Variants in FREM3 observed in about 807,000 individuals in gnomAD.
FREM3 encodes the protein FRAS1-related extracellular matrix protein 3.
In FREM3, 105 loss-of-function variants were observed where a neutral mutation model predicts 129.1. That is an observed-to-expected ratio of 0.81 (90% CI 0.69 to 0.96). The LOEUF is 0.96. FREM3 is among the 40% of genes least tolerant of loss of function. FREM3 has a pLI of 0.00. For missense variants in FREM3, 2,593 were observed against 2,666.3 expected (o/e 0.97, Z 0.61); for synonymous variants, 1,014 against 1,044.9 (o/e 0.97, Z 0.57).
At chr4:143,653,498 G>T (rs1739547350) in intron 2 of FREM3, among the ~76,000 whole-genome samples, 1 of 152,164 alleles carries the variant, frequency 6.6e-6, no homozygotes, top group Non-Finnish European at 1.5e-5. Flanking sequence ...TCTCTAGTGT[G>T]TGCCAGCAAG....
chr4:143,590,551 T>A (rs1738339709), intron 6 of FREM3, among the ~76,000 whole-genome samples: 1 of 152,196 alleles, frequency 6.6e-6, no homozygotes, highest in Non-Finnish European at 1.5e-5. Flanking sequence ...TATTGATTTT[T>A]GTATGTTGAA....
At chr4:143,591,202 T>C (rs539795032) in intron 6 of FREM3, among the ~76,000 whole-genome samples, 1 of 152,280 alleles carries the variant, frequency 6.6e-6, no homozygotes, top group African/African-American at 2.4e-5. Context: ...CCTGGATTCA[T>C]TGATTTTTTT....
chr4:143,614,577 T>C lies in FREM3; in HGVS notation c.5780-3050A>G, dbSNP rs569925069. On this transcript the variant is annotated intron_variant, in intron 5 of 7. Coordinates refer to ENST00000329798, the MANE Select transcript of FREM3 (RefSeq NM_001168235.2). ...CCAGTGGTAGAGCATAGCATCTTTG[T>C]GAGAAATATTAAAGATTCATTGTTT... Among the ~76,000 whole-genome samples the C allele has an allele frequency of 1.4e-4, 22 of 152,262 alleles. No homozygotes were observed. The South Asian group carries it at 4.6e-3, about 32-fold the overall frequency.
In FREM3 at chr4:143,695,838, C is replaced by T; in HGVS notation, c.4838G>A (p.Ser1613Asn). 6.5e-7 allele frequency: 1 copy of T among 1,537,390 alleles called. No homozygotes were observed. The highest frequency in any genetic ancestry group is 8.7e-7 in the Non-Finnish European group (1 of 1,146,948). The change falls in exon 1 of 8, where the codon AGT becomes AAT. Residue 1613 changes from serine to asparagine, a missense_variant. Coordinates refer to ENST00000329798, the MANE Select transcript of FREM3 (RefSeq NM_001168235.2). ...KNLISYKHDG[S>N]ETTEDSFSLT... Reference sequence around the variant, plus strand: ...GGAGAAACTATCTTCAGTGGTCTCACTGCCGTCATGCTTGTAGCTAATCAG... The same window carrying T: ...GGAGAAACTATCTTCAGTGGTCTCATTGCCGTCATGCTTGTAGCTAATCAG...
intron 6 of FREM3, among the ~76,000 whole-genome samples, chr4:143,608,660 T>C (rs191977449): frequency 3.2e-4 from 48 of 152,330 alleles, no homozygotes; most frequent in African/African-American, 8.9e-4. Context: ...GGTAAAATTA[T>C]ATAATGCACT....
intron 7 of FREM3, among the ~76,000 whole-genome samples, chr4:143,580,985 A>G (rs564901341): frequency 6.6e-6 from 1 of 152,216 alleles, no homozygotes; most frequent in South Asian, 2.1e-4. Context: ...GCAGCTCCGC[A>G]CTTCCTTGGG....
rs1271605163 is a variant in FREM3 at position 143,699,833 on chromosome 4, G to C, written c.843C>G (p.Ser281=). Residue 281 remains serine, a synonymous_variant, in exon 1 of 8, where the codon TCC becomes TCG. Transcript: ENST00000329798. This position sits in a 1 kb window ranked among gnomAD's most constrained non-coding sequence, Gnocchi z 4.2. ...LLGPEGQDAG[S]AGVLVREHFQ... is the part of the protein sequence containing the mutation. ...AGTGCTCGCGGACCAGCACACCCGCGGACCCAGCGTCTTGGCCCTCAGGCC... is the reference window on the plus strand; with the variant it reads ...AGTGCTCGCGGACCAGCACACCCGCCGACCCAGCGTCTTGGCCCTCAGGCC... 1 of 1,536,558 alleles carries C rather than the reference G, an allele frequency of 6.5e-7. No homozygotes were observed. Among genetic ancestry groups the C allele is most frequent in the East Asian group, 2.4e-5 (1 of 40,906 alleles).
chr4:143,666,078 C>G (rs138299790), intron 2 of FREM3, among the ~76,000 whole-genome samples: 1 of 151,956 alleles, frequency 6.6e-6, no homozygotes, highest in African/African-American at 2.4e-5. Flanking sequence ...CTTTAAATAC[C>G]TGCCAGGGTT....
chr4:143,629,835 A>T (rs11725554), intron 2 of FREM3, among the ~76,000 whole-genome samples: 40,595 of 152,080 alleles, frequency 0.27, 6,518 homozygotes, highest in Middle Eastern at 0.39. Context: ...CCAGTTTTGC[A>T]GTCTGCTAGT....
chr4:143,671,118 T>A (rs2149855743), intron 2 of FREM3, among the ~76,000 whole-genome samples: 1 of 152,290 alleles, frequency 6.6e-6, no homozygotes, highest in Non-Finnish European at 1.5e-5. Flanking sequence ...ATTCAGCCTC[T>A]ACAAATCACA....
At chr4:143,686,487 T>C (rs1740366234) in intron 2 of FREM3, among the ~76,000 whole-genome samples, 2 of 152,158 alleles carry the variant, frequency 1.3e-5, no homozygotes, top group African/African-American at 4.8e-5. Flanking sequence ...TTAACAGATA[T>C]ATACAGAACA....
chr4:143,600,385 G>A (rs145960490), intron 6 of FREM3, among the ~76,000 whole-genome samples: 3 of 152,076 alleles, frequency 2.0e-5, no homozygotes, highest in East Asian at 1.9e-4. Flanking sequence ...TACACTGTTC[G>A]GGCGACAGGT....
In FREM3 at chr4:143,699,557, T is replaced by G; in HGVS notation, c.1119A>C (p.Pro373=). Residue 373 remains proline (P), a synonymous_variant, in exon 1 of 8, where the codon CCA becomes CCC. Transcript: ENST00000329798. The surrounding 1 kb of genome is among the most constrained non-coding windows in gnomAD (Gnocchi z 4.2). ...GCTCCTGCTGGGTGAAGAAGGAGACTGGAAGCCCTAGAGGGTCGTCGGTGC... is the reference window on the plus strand; with the variant it reads ...GCTCCTGCTGGGTGAAGAAGGAGACGGGAAGCCCTAGAGGGTCGTCGGTGC... ...VVSTDDPLGL[P]VSFFTQQELR... The G allele has an allele frequency of 1.3e-5, 20 of 1,537,012 alleles. No individual in the cohort carries two copies. Among genetic ancestry groups the G allele is most frequent in the Non-Finnish European group, 1.7e-5 (20 of 1,146,766 alleles).
intron 2 of FREM3, among the ~76,000 whole-genome samples, chr4:143,664,700 A>G (rs907236001): frequency 6.6e-6 from 1 of 152,160 alleles, no homozygotes; most frequent in African/African-American, 2.4e-5. Flanking sequence ...GGTGGAGCCT[A>G]CAGAGGCAGG....
chr4:143,622,790 C>T (rs966289277), intron 4 of FREM3, among the ~76,000 whole-genome samples: 3 of 152,156 alleles, frequency 2.0e-5, no homozygotes, highest in Non-Finnish European at 4.4e-5. Flanking sequence ...TTTCTATCTG[C>T]CTTCTAATAA....
At chr4:143,693,739 C>T (rs1740515269) in intron 1 of FREM3, among the ~76,000 whole-genome samples, 1 of 152,142 alleles carries the variant, frequency 6.6e-6, no homozygotes, top group Admixed American at 6.5e-5. Flanking sequence ...AAATATATTA[C>T]ATATATACCA....
At chr4:143,629,075 G>C (rs542272493) in intron 2 of FREM3, among the ~76,000 whole-genome samples, 2 of 152,170 alleles carry the variant, frequency 1.3e-5, no homozygotes, top group African/African-American at 4.8e-5. Flanking sequence ...AGACAAGGAG[G>C]CTCTAAAGAT....
At chr4:143,659,441 A>G (rs935929594) in intron 2 of FREM3, among the ~76,000 whole-genome samples, 1 of 152,140 alleles carries the variant, frequency 6.6e-6, no homozygotes, top group Non-Finnish European at 1.5e-5. Context: ...ATAGTATTCC[A>G]TGGTGTATAT....
At position 143,674,631 on chromosome 4, in the gene FREM3, T is replaced by A. The variant is rs149853594; in HGVS notation, c.5275+18482A>T. ...AAAGAGTCACGACCCATCAGTGTGC[T>A]GTTTTCAGCAAACCCATTTCATGTG... On this transcript the variant is annotated intron_variant, in intron 2 of 7. Coordinates refer to ENST00000329798, the MANE Select transcript of FREM3 (RefSeq NM_001168235.2). Among the ~76,000 whole-genome samples, 75 of 152,318 alleles carry A rather than the reference T, an allele frequency of 4.9e-4. No individual in the cohort carries two copies. The East Asian group carries it at 0.01, about 21-fold the overall frequency.
Sources: allele counts gnomAD v4.1 joint callset (sites outside exome capture counted in the v4.1 genomes callset), GRCh38; gene constraint gnomAD v4.1.1; non-coding constraint Gnocchi (gnomAD v3.1); transcripts MANE v1.5; gene names NCBI Gene and HGNC (gene_info 2026-07-23, HGNC 2026-07-21).